The following UCP1 variants were observed in gnomAD, a reference collection of about 807,000 sequenced individuals.
The protein encoded by UCP1 is mitochondrial brown fat uncoupling protein 1.
Under a neutral mutation model 26.2 loss-of-function variants are expected in UCP1, and 24 were observed. The observed-to-expected ratio is 0.92, with a 90% CI of 0.66 to 1.29. The LOEUF is 1.29. Ranked by LOEUF, UCP1 falls within the 50% of genes most tolerant of loss-of-function variation. The pLI, the probability that UCP1 is intolerant of heterozygous loss-of-function variation, is 0.00. For missense variants in UCP1, 402 were observed against 388.7 expected (o/e 1.03, Z -0.29); for synonymous variants, 164 against 156.8 (o/e 1.05, Z -0.34).
chr4:140,563,612 T>A (rs1735737080), intron 2 of UCP1, 94 bp from the exon 3 acceptor site: 2 of 279,550 alleles, frequency 7.2e-6, no homozygotes, highest in Non-Finnish European at 5.0e-6. Context: ...TATTTTTGTA[T>A]TTTTTTTTTT....
At chr4:140,561,523 T>C (rs1285601267) in intron 5 of UCP1, among the ~76,000 whole-genome samples, 1 of 152,146 alleles carries the variant, frequency 6.6e-6, no homozygotes, top group Non-Finnish European at 1.5e-5. Context: ...CAGCTAATTT[T>C]TAAATTTTTT....
chr4:140,563,962 A>G (rs1025771353), intron 2 of UCP1, among the ~76,000 whole-genome samples: 1 of 152,134 alleles, frequency 6.6e-6, no homozygotes. Flanking sequence ...TTATGTGTTG[A>G]TCATGTACTA....
In UCP1 at chr4:140,567,815, C is replaced by G. The variant is rs765672077; in HGVS notation, c.289G>C (p.Asp97His). ...GCGGTGAGGAACTCCTGGACCGTGTCGTAGAGGCCGATCCTGAGAGAGGCG... is the reference window on the plus strand; with the variant it reads ...GCGGTGAGGAACTCCTGGACCGTGTGGTAGAGGCCGATCCTGAGAGAGGCG... ...SSASLRIGLY[D>H]TVQEFLTAGK... Residue 97 changes from aspartate to histidine, a missense_variant, in exon 2 of 6, where the codon GAC (aspartate) becomes CAC (histidine). Asp to His is a moderately conservative substitution (Grantham distance 81). Coordinates refer to ENST00000262999, the MANE Select transcript of UCP1 (RefSeq NM_021833.5). The G allele has an allele frequency of 3.7e-6, 6 of 1,614,122 alleles. No individual in the cohort carries two copies. Among genetic ancestry groups the G allele is most frequent in the South Asian group, 3.3e-5 (3 of 91,076 alleles).
Position 140,562,325 on chromosome 4 carries a change from G to T in UCP1, c.677C>A (p.Ala226Glu). The change falls in exon 5 of 6, where the codon GCA becomes GAA. Residue 226 changes from alanine to glutamate, a missense_variant. Physicochemically the swap from Ala to Glu is moderately radical, Grantham distance 107 (BLOSUM62 -1). Transcript: ENST00000262999. ...LVSALIAGFC[A>E]TAMSSPVDVV... Reference sequence around the variant, plus strand: ...ATCCACCGGGGAGGACATAGCTGTTGCGCAAAATCCAGCGATAAGAGCCGA... The same window carrying T: ...ATCCACCGGGGAGGACATAGCTGTTTCGCAAAATCCAGCGATAAGAGCCGA... 5 of 1,614,132 alleles carry T rather than the reference G, an allele frequency of 3.1e-6. No homozygotes were observed. In the Middle Eastern group the frequency reaches 5.0e-4, roughly 160 times the overall value.
rs764423219 is a variant in UCP1, at chr4:140,563,391, T to C, written c.453A>G (p.Lys151=). The C allele has an allele frequency of 6.2e-7, 1 of 1,614,110 alleles. No individual in the cohort carries two copies. The highest frequency in any genetic ancestry group is 1.7e-5 in the Admixed American group (1 of 60,006). Residue 151 remains lysine (K), a synonymous_variant, in exon 3 of 6, where the codon AAA becomes AAG. Coordinates refer to ENST00000262999, the MANE Select transcript of UCP1 (RefSeq NM_021833.5). ...LQAQSHLHGI[K]PRYTGTYNAY... is the part of the protein sequence containing the mutation. Reference sequence around the variant, plus strand: ...CATTATAAGTCCCCGTGTAGCGAGGTTTGATTCCGTGGAGATGGCTCTGTG... The same window carrying C: ...CATTATAAGTCCCCGTGTAGCGAGGCTTGATTCCGTGGAGATGGCTCTGTG...
intron 2 of UCP1, among the ~76,000 whole-genome samples, chr4:140,566,813 G>A (rs2110915637): frequency 6.6e-6 from 1 of 152,178 alleles, no homozygotes; most frequent in South Asian, 2.1e-4. Flanking sequence ...CCTGATATTC[G>A]GCTAACACTT....
Position 140,568,647 on chromosome 4 carries a change from T to C in UCP1, c.83A>G (p.Asp28Gly), listed in dbSNP as rs1560846857. ...CGTGTCCAGCGGGAAGGTGATCACG[T>C]CCGCCAAGCACGCCGCTATTCCAGC... ...FSAGIAACLA[D>G]VITFPLDTAK... Residue 28 changes from aspartate to glycine, a missense_variant, in exon 1 of 6, where the codon GAC (aspartate) becomes GGC (glycine). Coordinates refer to ENST00000262999, the MANE Select transcript of UCP1 (RefSeq NM_021833.5). 2 of 1,612,508 alleles carry C rather than the reference T, an allele frequency of 1.2e-6. No homozygotes were observed. The highest frequency in any genetic ancestry group is 1.7e-6 in the Non-Finnish European group (2 of 1,179,620).
intron 2 of UCP1, among the ~76,000 whole-genome samples, chr4:140,565,986 CACTTA>C: frequency 2.0e-5 from 3 of 152,292 alleles, no homozygotes; most frequent in Admixed American, 2.0e-4. Flanking sequence ...GGTACACAAA[CACTTA>C]ACTTTATGTA....
At chr4:140,563,743 G>T (rs1377263287) in intron 2 of UCP1, among the ~76,000 whole-genome samples, 1 of 151,888 alleles carries the variant, frequency 6.6e-6, no homozygotes, top group Non-Finnish European at 1.5e-5. Context: ...AAGTAGCTGG[G>T]ATTATAGGCA....
chr4:140,563,300 C>T lies in UCP1; in HGVS notation c.526+18G>A, dbSNP rs1735721971. 1 of 1,613,786 alleles carries T rather than the reference C, an allele frequency of 6.2e-7. No individual in the cohort carries two copies. Among genetic ancestry groups the T allele is most frequent in the Admixed American group, 1.7e-5 (1 of 59,976 alleles). ...TATGTGCTTTGGTGGTTATAAAACCCATTTTGAAGTTAGTTACCTTTCCAA... is the reference window on the plus strand; with the variant it reads ...TATGTGCTTTGGTGGTTATAAAACCTATTTTGAAGTTAGTTACCTTTCCAA... On this transcript the variant is annotated intron_variant, in intron 3 of 5. Transcript: ENST00000262999.
chr4:140,566,436 A>T (rs1422648507), intron 2 of UCP1, among the ~76,000 whole-genome samples: 1 of 152,220 alleles, frequency 6.6e-6, no homozygotes. Context: ...AATTGGTAGA[A>T]CAGTCAATCT....
chr4:140,564,448 G>T (rs955566879), intron 2 of UCP1, among the ~76,000 whole-genome samples: 8 of 152,080 alleles, frequency 5.3e-5, no homozygotes, highest in African/African-American at 1.9e-4. Context: ...ATAAAATTAA[G>T]GTTCAGTAAC....
Position 140,562,113 on chromosome 4 carries a change from T to C in UCP1, c.809+80A>G, listed in dbSNP as rs1397072795. The C allele has an allele frequency of 2.6e-6, 4 of 1,509,468 alleles. No individual in the cohort carries two copies. The Admixed American group carries it at 6.7e-5, about 25-fold the overall frequency. 93.5% of individuals were successfully genotyped at this position (1,509,468 alleles called of 1,614,324 possible). On this transcript the variant is annotated intron_variant, in intron 5 of 5. Transcript: ENST00000262999. ...AATATACTAAGGCTTGTAAGCTAAA[T>C]GTCGGTTGCTTGACATGAGAGTGTC...
intron 2 of UCP1, among the ~76,000 whole-genome samples, chr4:140,566,979 G>A (rs1735814276): frequency 6.6e-6 from 1 of 152,164 alleles, no homozygotes; most frequent in African/African-American, 2.4e-5. Flanking sequence ...GTGACCTTGG[G>A]CAAGTGATGA....
chr4:140,560,458 C>T lies in UCP1; in HGVS notation c.810-448G>A, dbSNP rs538400756. Among the ~76,000 whole-genome samples, 4 of 152,216 alleles carry T rather than the reference C, an allele frequency of 2.6e-5. No homozygotes were observed. The South Asian group carries it at 8.3e-4, about 32-fold the overall frequency. ...ACTGACATGAACTTTTTCAAAAACT[C>T]TTTCCTTTTTTGAGGGAAGGGGGAA... On this transcript the variant is annotated intron_variant, in intron 5 of 5. Coordinates refer to ENST00000262999, the MANE Select transcript of UCP1 (RefSeq NM_021833.5).
chr4:140,566,288 G>A (rs1735793089), intron 2 of UCP1, among the ~76,000 whole-genome samples: 1 of 152,188 alleles, frequency 6.6e-6, no homozygotes, highest in East Asian at 1.9e-4. Context: ...TCTGTCTAGA[G>A]ACACATCTGC....
intron 5 of UCP1, among the ~76,000 whole-genome samples, chr4:140,561,987 A>G (rs1163858514): frequency 1.3e-5 from 2 of 152,220 alleles, no homozygotes; most frequent in Non-Finnish European, 2.9e-5. Flanking sequence ...CTTTGATCAA[A>G]GTTGAGAAAA....
intron 2 of UCP1, among the ~76,000 whole-genome samples, chr4:140,565,510 T>C (rs1423706136): frequency 6.6e-6 from 1 of 152,186 alleles, no homozygotes; most frequent in Non-Finnish European, 1.5e-5. Flanking sequence ...CTTAATATTT[T>C]TACAATGACT....
rs530774350 is a variant in UCP1 at position 140,563,382 on chromosome 4, G to C, written c.462C>G (p.Tyr154Ter). ...TTCTGTACGCATTATAAGTCCCCGT[G>C]TAGCGAGGTTTGATTCCGTGGAGAT... Reference protein sequence around the residue: ...QSHLHGIKPRYTGTYNAYRII... With the variant: ...QSHLHGIKPR The change falls in exon 3 of 6, where the codon TAC (tyrosine) becomes TAG (stop). Residue 154 changes from tyrosine to a stop codon, truncating the protein, a stop_gained. Transcript: ENST00000262999. LOFTEE classifies it high-confidence loss of function. 2 of 1,614,126 alleles carry C rather than the reference G, an allele frequency of 1.2e-6. No homozygotes were observed. The highest frequency in any genetic ancestry group is 2.7e-5 in the African/African-American group (2 of 75,016).
Sources: gnomAD v4.1 joint callset for allele counts (sites outside exome capture counted in the v4.1 genomes callset) on GRCh38, gnomAD v4.1.1 for gene constraint, MANE v1.5 for transcripts, NCBI Gene and HGNC (gene_info 2026-07-23, HGNC 2026-07-21) for gene names.